The following EGR2 variants were observed in gnomAD, a reference collection of about 807,000 sequenced individuals.
EGR2 encodes the protein E3 SUMO-protein ligase EGR2.
In EGR2, 2 loss-of-function variants were observed where a neutral mutation model predicts 21.2. The ratio of observed to expected loss-of-function variants is 0.09; its 90% confidence interval spans 0.04 to 0.30. The LOEUF (loss-of-function observed/expected upper bound fraction) is 0.30, where lower values mean the gene tolerates loss of function less well. Ranked by LOEUF, EGR2 falls within the 10% of genes least tolerant of loss-of-function variation. The probability of loss-of-function intolerance (pLI) is 1.00; values close to 1 mark genes in which losing one functional copy is unlikely to be tolerated. For synonymous variants in EGR2, 282 were observed against 258.2 expected, an observed-to-expected ratio of 1.09 and a Z score of -0.88; for missense variants, 458 against 630.2, an observed-to-expected ratio of 0.73 and a Z score of 2.93.
chr10:62,815,039 G>A (rs1200357118), intron 1 of EGR2, among the ~76,000 whole-genome samples: 1 of 152,264 alleles, frequency 6.6e-6, no homozygotes, highest in Non-Finnish European at 1.5e-5. Context: ...GAGCGAATGG[G>A]GGATGTAGAG....
At chr10:62,819,147 C>G (rs566882568), upstream of EGR2, 4 of 152,542 alleles carry the variant, frequency 2.6e-5, no homozygotes, top group East Asian at 7.5e-4. Context: ...TCACACCTCC[C>G]CCTAAGAGCT....
Position 62,813,071 on chromosome 10 carries a change from T to G in EGR2, c.*136A>C. ...CTGCTTCTAGGTGGAAAGGGGGCAGTGCTAGCTCCACCAAAGCCCTTTGCC... is the reference window on the plus strand; with the variant it reads ...CTGCTTCTAGGTGGAAAGGGGGCAGGGCTAGCTCCACCAAAGCCCTTTGCC... On this transcript the variant is annotated 3_prime_UTR_variant, in exon 2 of 2. Transcript: ENST00000242480. This position sits in a 1 kb window ranked among gnomAD's most constrained non-coding sequence, Gnocchi z 5.7. 1 of 994,040 alleles carries G rather than the reference T, an allele frequency of 1.0e-6. No individual in the cohort carries two copies. Among genetic ancestry groups the G allele is most frequent in the Non-Finnish European group, 1.5e-6 (1 of 682,056 alleles). 61.6% of individuals were successfully genotyped at this position (994,040 alleles called of 1,614,324 possible).
Position 62,814,013 on chromosome 10 carries a change from G to T in EGR2, c.625C>A (p.Pro209Thr), listed in dbSNP as rs749421476. The T allele has an allele frequency of 2.5e-6, 4 of 1,614,088 alleles. No homozygotes were observed. In the Admixed American group the frequency reaches 6.7e-5, roughly 27 times the overall value. ...GGGTCCGTGGCTGGCTTGGGGGATG[G>T]ATAGGAAGGAGGTGGTGGGTAGGCC... ...SLAYPPPPSY[P>T]SPKPATDPGL... The change falls in exon 2 of 2, where the codon CCA becomes ACA. Residue 209 changes from proline (P) to threonine (T), a missense_variant. Coordinates refer to ENST00000242480, the MANE Select transcript of EGR2 (RefSeq NM_000399.5). This position sits in a 1 kb window ranked among gnomAD's most constrained non-coding sequence, Gnocchi z 4.8.
chr10:62,816,355 C>T lies in EGR2; in HGVS notation c.-326G>A, dbSNP rs1328341831. The T allele has an allele frequency of 1.6e-6, 2 of 1,238,888 alleles. No individual in the cohort carries two copies. The highest frequency in any genetic ancestry group is 2.0e-6 in the Non-Finnish European group (2 of 976,304). 76.7% of individuals were successfully genotyped at this position (1,238,888 alleles called of 1,614,324 possible). ...CTCGCCGAGCTATTAATCAATTGCT[C>T]CTCGCTCAGTTAGACGGAAAGTGTT... On this transcript the variant is annotated 5_prime_UTR_variant, in exon 1 of 2. Transcript: ENST00000242480.
chr10:62,815,668 C>A (rs972854149), intron 1 of EGR2, among the ~76,000 whole-genome samples, 193 bp downstream of exon 1: 9 of 152,240 alleles, frequency 5.9e-5, no homozygotes, highest in African/African-American at 9.6e-5. Flanking sequence ...GGCGACCTGG[C>A]GCATCTGCCC....
rs925212242 is a variant in EGR2, at chr10:62,816,322, T to C, written c.-293A>G. On this transcript the variant is annotated 5_prime_UTR_variant, in exon 1 of 2. Transcript: ENST00000242480. Reference sequence around the variant, plus strand: ...GGTGTAGTGTTATTATAACAGTCAGTGAGTCCCCTCGCCGAGCTATTAATC... The same window carrying C: ...GGTGTAGTGTTATTATAACAGTCAGCGAGTCCCCTCGCCGAGCTATTAATC... 4.2e-5 allele frequency: 54 copies of C among 1,287,714 alleles called. No individual in the cohort carries two copies. Among genetic ancestry groups the C allele is most frequent in the Non-Finnish European group, 5.1e-5 (51 of 1,007,448 alleles). 79.8% of individuals were successfully genotyped at this position (1,287,714 alleles called of 1,614,324 possible).
Position 62,814,001 on chromosome 10 carries a change from G to C in EGR2, c.637C>G (p.Pro213Ala). 1 of 1,614,200 alleles carries C rather than the reference G, an allele frequency of 6.2e-7. No individual in the cohort carries two copies. Among genetic ancestry groups the C allele is most frequent in the Non-Finnish European group, 8.5e-7 (1 of 1,180,028 alleles). The change falls in exon 2 of 2, where the codon CCA becomes GCA. Residue 213 changes from proline to alanine, a missense_variant. This residue lies in a region of EGR2 where 253 missense variants were observed against 315.5 expected (regional missense o/e 0.80). Coordinates refer to ENST00000242480, the MANE Select transcript of EGR2 (RefSeq NM_000399.5). This position sits in a 1 kb window ranked among gnomAD's most constrained non-coding sequence, Gnocchi z 4.8. ...GGGAAGAGACCTGGGTCCGTGGCTGGCTTGGGGGATGGATAGGAAGGAGGT... is the reference window on the plus strand; with the variant it reads ...GGGAAGAGACCTGGGTCCGTGGCTGCCTTGGGGGATGGATAGGAAGGAGGT... ...PPPPSYPSPKPATDPGLFPMI... is the reference protein window; with the variant it reads ...PPPPSYPSPKAATDPGLFPMI...
rs371997981 is a variant in EGR2, at chr10:62,813,444, G to A, written c.1194C>T (p.Phe398=). ...ACTTTCGGCCACAGTAGTCACAGGC[G>A]AAGGGCTTCTCACCGGTGTGGGTGC... ...HIRTHTGEKP[F]ACDYCGRKFA... Residue 398 remains phenylalanine (F), a synonymous_variant, in exon 2 of 2, where the codon TTC becomes TTT. Transcript: ENST00000242480. This position sits in a 1 kb window ranked among gnomAD's most constrained non-coding sequence, Gnocchi z 5.7. The A allele has an allele frequency of 6.2e-6, 10 of 1,614,114 alleles. No individual in the cohort carries two copies. The highest frequency in any genetic ancestry group is 5.3e-5 in the African/African-American group (4 of 74,960).
upstream of EGR2, chr10:62,818,579 C>G (rs1406053933): frequency 1.6e-6 from 2 of 1,277,052 alleles, no homozygotes; most frequent in Non-Finnish European, 2.0e-6. Context: ...TCTGGCGGGT[C>G]CCGCGGCCCC....
chr10:62,818,349 G>A (rs1244471367), upstream of EGR2, among the ~76,000 whole-genome samples: 2 of 152,246 alleles, frequency 1.3e-5, no homozygotes, highest in African/African-American at 4.8e-5. Flanking sequence ...AAGTCACCCA[G>A]AGCACATTTG....
chr10:62,814,035 G>A lies in EGR2; in HGVS notation c.603C>T (p.Ala201=), dbSNP rs746763888. 1.9e-6 allele frequency: 3 copies of A among 1,614,186 alleles called. No individual in the cohort carries two copies. Among genetic ancestry groups the A allele is most frequent in the Non-Finnish European group, 2.5e-6 (3 of 1,180,020 alleles). ...AATTSTSSSL[A]YPPPPSYPSP... ...ATGGATAGGAAGGAGGTGGTGGGTA[G>A]GCCAGAGAGGAAGAGGTGGAGGTGG... Residue 201 remains alanine (A), a synonymous_variant, in exon 2 of 2, where the codon GCC becomes GCT. Coordinates refer to ENST00000242480, the MANE Select transcript of EGR2 (RefSeq NM_000399.5). The surrounding 1 kb of genome is among the most constrained non-coding windows in gnomAD (Gnocchi z 4.8).
chr10:62,818,024 A>T (rs906273891), upstream of EGR2, among the ~76,000 whole-genome samples: 1 of 152,230 alleles, frequency 6.6e-6, no homozygotes, highest in Non-Finnish European at 1.5e-5. Flanking sequence ...GATAACGCGC[A>T]GGGTCAGCCT....
chr10:62,818,628 T>C (rs1564710638), upstream of EGR2: 1 of 1,265,424 alleles, frequency 7.9e-7, no homozygotes, highest in East Asian at 6.2e-5. Context: ...CGGAAGGGAG[T>C]CCGACTCGCA....
chr10:62,818,503 A>G, upstream of EGR2: 1 of 1,146,918 alleles, frequency 8.7e-7, no homozygotes, highest in South Asian at 1.4e-5. Flanking sequence ...GAAAGAAAGA[A>G]AGAAAAGAAA....
upstream of EGR2, chr10:62,818,543 C>A (rs537049926): frequency 7.1e-5 from 88 of 1,245,800 alleles, 3 homozygotes; most frequent in South Asian, 1.1e-3. Context: ...GTTCTTACCA[C>A]GTGCGCCAGC....
chr10:62,817,089 G>A (rs1278247519), upstream of EGR2, among the ~76,000 whole-genome samples: 1 of 152,200 alleles, frequency 6.6e-6, no homozygotes, highest in Non-Finnish European at 1.5e-5. This position sits in a 1 kb window ranked among gnomAD's most constrained non-coding sequence, Gnocchi z 4.4. Flanking sequence ...TTGGGACTGG[G>A]AGGGTAAACC....
At position 62,815,983 on chromosome 10, in the gene EGR2, C is replaced by A; in HGVS notation, c.47G>T (p.Gly16Val). Residue 16 changes from glycine to valine, a missense_variant, in exon 1 of 2, where the codon GGT (glycine) becomes GTT (valine). Gly to Val is a moderately radical substitution (Grantham distance 109, BLOSUM62 -3). This residue lies in a region of EGR2 where 91 missense variants were observed against 105.2 expected (regional missense o/e 0.87). Transcript: ENST00000242480. ...GTTGTCAGACAGCTGGTGCACAAAA[C>A]CACTGAGAGTTACTGGGATTTTGTC... ...AVDKIPVTLS[G>V]FVHQLSDNIY... 1 of 1,614,224 alleles carries A rather than the reference C, an allele frequency of 6.2e-7. No homozygotes were observed. The highest frequency in any genetic ancestry group is 8.5e-7 in the Non-Finnish European group (1 of 1,180,046).
chr10:62,818,895 G>C (rs529512002), upstream of EGR2, among the ~76,000 whole-genome samples: 3 of 152,236 alleles, frequency 2.0e-5, no homozygotes, highest in East Asian at 5.8e-4. Flanking sequence ...GCCACCCCGA[G>C]GGGGAGCTCC....
At chr10:62,818,716 C>A, upstream of EGR2, 1 of 767,766 alleles carries the variant, frequency 1.3e-6, no homozygotes, top group Non-Finnish European at 1.7e-6. Context: ...GCTCGGGTTA[C>A]GGCCCCCGCC....
Sources: allele counts gnomAD v4.1 joint callset (sites outside exome capture counted in the v4.1 genomes callset), GRCh38; gene constraint gnomAD v4.1.1; regional missense constraint gnomAD v4.1.1; non-coding constraint Gnocchi (gnomAD v3.1); transcripts MANE v1.5; gene names NCBI Gene and HGNC (gene_info 2026-07-23, HGNC 2026-07-21).